Variants in FYB1 observed in about 807,000 individuals in gnomAD.
The protein encoded by FYB1 is FYN binding protein 1, also known as FYN-binding protein 1.
Under a neutral mutation model 94.1 loss-of-function variants are expected in FYB1, and 41 were observed. That is an observed-to-expected ratio of 0.44 (90% CI 0.34 to 0.57). The LOEUF (loss-of-function observed/expected upper bound fraction) is 0.57, where lower values mean the gene tolerates loss of function less well. Ranked by LOEUF, FYB1 falls within the 20% of genes least tolerant of loss-of-function variation. The pLI, the probability that FYB1 is intolerant of heterozygous loss-of-function variation, is 0.02. For synonymous variants in FYB1, 367 were observed against 353.2 expected (o/e 1.04, Z -0.44); for missense variants, 1,050 against 976.8 (o/e 1.07, Z -1.00).
intron 7 of FYB1, among the ~76,000 whole-genome samples, chr5:39,137,117 C>CG: frequency 9.2e-6 from 1 of 108,124 alleles, no homozygotes; most frequent in East Asian, 3.6e-4. Flanking sequence ...TGTACACAGA[C>CG]TTAAAGGCAA....
intron 16 of FYB1, among the ~76,000 whole-genome samples, chr5:39,111,166 A>G (rs1739040624): frequency 1.3e-5 from 2 of 151,940 alleles, no homozygotes; most frequent in Admixed American, 6.6e-5. Flanking sequence ...AAAAATAGGA[A>G]CTATTTTTCT....
In FYB1 at chr5:39,245,008, G is replaced by T. The variant is rs535074183; in HGVS notation, c.-28+29395C>A. ...GATATCCCCTTTATCATTTTTTATT[G>T]TTTCTATTTGATTATTTTCTCTTTT... is the stretch of plus-strand genomic sequence containing the variant. On this transcript the variant is annotated intron_variant, in intron 1 of 1. Coordinates refer to the FYB1 transcript ENST00000510188. 7.2e-5 allele frequency among the ~76,000 whole-genome samples: 11 copies of T among 152,074 alleles called. No homozygotes were observed. In the South Asian group the frequency reaches 2.1e-3, roughly 29 times the overall value.
chr5:39,127,325 T>C (rs965697318), intron 11 of FYB1, among the ~76,000 whole-genome samples: 10 of 151,506 alleles, frequency 6.6e-5, no homozygotes, highest in Non-Finnish European at 1.0e-4. Context: ...ATGCAACTGA[T>C]AAACTCTTCA....
At chr5:39,250,155 C>T (rs1579783599) in intron 1 of FYB1, among the ~76,000 whole-genome samples, 1 of 152,280 alleles carries the variant, frequency 6.6e-6, no homozygotes, top group East Asian at 1.9e-4. Context: ...TCAATTAAAC[C>T]TCTTCTCTTT....
chr5:39,209,505 T>C (rs1036282461), intron 1 of FYB1, among the ~76,000 whole-genome samples: 3 of 152,192 alleles, frequency 2.0e-5, no homozygotes, highest in East Asian at 3.9e-4. Context: ...TTTGTATTTT[T>C]AATAGAGATG....
chr5:39,177,896 C>T (rs554187655), intron 2 of FYB1, among the ~76,000 whole-genome samples: 5 of 152,300 alleles, frequency 3.3e-5, no homozygotes, highest in African/African-American at 9.6e-5. Flanking sequence ...GTTCTCACTC[C>T]GCTTCCCCAT....
intron 10 of FYB1, among the ~76,000 whole-genome samples, chr5:39,128,179 C>T (rs1048572335): frequency 2.0e-5 from 3 of 151,964 alleles, no homozygotes; most frequent in African/African-American, 7.3e-5. Context: ...AGATACTGAT[C>T]AAGACACAAG....
chr5:39,262,947 C>T (rs1309551247), intron 1 of FYB1, among the ~76,000 whole-genome samples: 1 of 152,068 alleles, frequency 6.6e-6, no homozygotes, highest in Non-Finnish European at 1.5e-5. Flanking sequence ...TGTTTCTGTG[C>T]TGTGGGAAGG....
At chr5:39,169,947 G>C in intron 2 of FYB1, 1 of 644,842 alleles carries the variant, frequency 1.6e-6, no homozygotes, top group Admixed American at 2.1e-5. Context: ...AACTATTAAG[G>C]AAATTAAAGG....
chr5:39,119,636 T>C lies in FYB1; in HGVS notation c.2139-2A>G. The C allele has an allele frequency of 6.5e-7, 1 of 1,527,936 alleles. No homozygotes were observed. Among genetic ancestry groups the C allele is most frequent in the Non-Finnish European group, 8.8e-7 (1 of 1,137,928 alleles). The allele number at this position is 1,527,936 out of a possible 1,614,324, so 94.6% of individuals were successfully genotyped here. On this transcript the variant is annotated splice_acceptor_variant, in intron 14 of 18. Coordinates refer to ENST00000512982, the MANE Select transcript of FYB1 (RefSeq NM_001465.6). LOFTEE classifies it high-confidence loss of function. ...GCTTTTCCAACATTAGTTCCTTGAC[T>C]AGAACGGCAGAACACACATAAAACA...
intron 7 of FYB1, among the ~76,000 whole-genome samples, chr5:39,135,219 G>C (rs1188044973): frequency 6.6e-6 from 1 of 152,278 alleles, no homozygotes; most frequent in African/African-American, 2.4e-5. Flanking sequence ...GACCAGCTAA[G>C]ACAGGTGAAC....
intron 1 of FYB1, among the ~76,000 whole-genome samples, chr5:39,268,970 T>G (rs1752554396): frequency 6.6e-6 from 1 of 152,342 alleles, no homozygotes; most frequent in East Asian, 1.9e-4. Flanking sequence ...CCTGCTGTTA[T>G]CTTGTTTTGC....
chr5:39,159,266 G>A (rs764736035), intron 2 of FYB1, among the ~76,000 whole-genome samples: 47 of 152,256 alleles, frequency 3.1e-4, no homozygotes, highest in Non-Finnish European at 6.8e-4. Flanking sequence ...TCGGCATATA[G>A]ACTTTTATTT....
At chr5:39,233,347 A>G (rs1263221349) in intron 1 of FYB1, among the ~76,000 whole-genome samples, 5 of 152,088 alleles carry the variant, frequency 3.3e-5, no homozygotes, top group Admixed American at 3.3e-4. Context: ...CAGCTTAGAA[A>G]CAGAGTTCTA....
Position 39,116,163 on chromosome 5 carries a change from C to T in FYB1, c.2401+2711G>A, listed in dbSNP as rs1266834579. Among the ~76,000 whole-genome samples, 8 of 152,280 alleles carry T rather than the reference C, an allele frequency of 5.3e-5. No homozygotes were observed. The East Asian group carries it at 1.2e-3, about 22-fold the overall frequency. ...ATCATAAGACTTTATCGGCTGCCTTCGCTTCTCTATCTCATTCACTTGCCA... is the reference window on the plus strand; with the variant it reads ...ATCATAAGACTTTATCGGCTGCCTTTGCTTCTCTATCTCATTCACTTGCCA... On this transcript the variant is annotated intron_variant, in intron 16 of 18. Transcript: ENST00000512982.
chr5:39,209,362 T>C (rs1254342645), intron 1 of FYB1, among the ~76,000 whole-genome samples: 2 of 151,064 alleles, frequency 1.3e-5, no homozygotes, highest in East Asian at 3.9e-4. Context: ...AGCCTCCCTC[T>C]ATCACCCAGG....
At chr5:39,190,352 G>A (rs1438646124) in intron 2 of FYB1, among the ~76,000 whole-genome samples, 6 of 152,176 alleles carry the variant, frequency 3.9e-5, no homozygotes, top group African/African-American at 1.4e-4. Context: ...GAGAAAGTTG[G>A]TTGGGGGCAG....
chr5:39,177,415 C>T (rs1439309404), intron 2 of FYB1, among the ~76,000 whole-genome samples: 2 of 152,192 alleles, frequency 1.3e-5, no homozygotes, highest in Non-Finnish European at 2.9e-5. Context: ...TCAACCTTCA[C>T]ATTTTGCAAA....
intron 1 of FYB1, among the ~76,000 whole-genome samples, chr5:39,211,467 G>A (rs959034177): frequency 1.1e-4 from 16 of 151,822 alleles, no homozygotes; most frequent in Admixed American, 9.2e-4. Flanking sequence ...AACTACAGGC[G>A]CCCGCCACCA....
Sources: gnomAD v4.1 joint callset for allele counts (sites outside exome capture counted in the v4.1 genomes callset) on GRCh38, gnomAD v4.1.1 for gene constraint, MANE v1.5 for transcripts, NCBI Gene and HGNC (gene_info 2026-07-23, HGNC 2026-07-21) for gene names.